The following DDR2 variants were observed in gnomAD, a reference collection of about 807,000 sequenced individuals.
DDR2 encodes discoidin domain-containing receptor 2.
Under a neutral mutation model 94.9 loss-of-function variants are expected in DDR2, and 27 were observed. The observed-to-expected ratio is 0.28, with a 90% CI of 0.21 to 0.39. The LOEUF (loss-of-function observed/expected upper bound fraction) is 0.39. Among genes scored for constraint, DDR2 ranks in the 10% least tolerant of loss-of-function variants. The pLI, the probability that DDR2 is intolerant of heterozygous loss-of-function variation, is 1.00. For missense variants in DDR2, 783 were observed against 1,076.0 expected (o/e 0.73, Z 3.81); for synonymous variants, 382 against 377.2 (o/e 1.01, Z -0.15).
chr1:162,749,861 C>A (rs1663088384), intron 3 of DDR2, among the ~76,000 whole-genome samples: 1 of 152,158 alleles, frequency 6.6e-6, no homozygotes, highest in Non-Finnish European at 1.5e-5. Flanking sequence ...TCAACATATG[C>A]AAATCAATAA....
At chr1:162,734,032 A>C (rs538267741) in intron 3 of DDR2, among the ~76,000 whole-genome samples, 2 of 152,352 alleles carry the variant, frequency 1.3e-5, no homozygotes, top group Admixed American at 1.3e-4. Context: ...CCCCTACCGG[A>C]ATGTAAGATC....
At chr1:162,678,303 C>T (rs1344501235) in intron 2 of DDR2, among the ~76,000 whole-genome samples, 1 of 152,216 alleles carries the variant, frequency 6.6e-6, no homozygotes, top group Middle Eastern at 3.4e-3. Flanking sequence ...AATAATAATT[C>T]CTGTCTCATA....
intron 3 of DDR2, among the ~76,000 whole-genome samples, chr1:162,728,299 TC>T (rs1661824412): frequency 6.6e-6 from 1 of 151,144 alleles, no homozygotes; most frequent in Admixed American, 6.6e-5. Context: ...CCCAATCAGG[TC>T]AAATCTCCAA....
chr1:162,668,866 G>T (rs756394416), intron 2 of DDR2, among the ~76,000 whole-genome samples: 1 of 152,134 alleles, frequency 6.6e-6, no homozygotes, highest in African/African-American at 2.4e-5. Context: ...CACTGTTAAA[G>T]ATATCTTTCT....
intron 12 of DDR2, chr1:162,770,753 A>G (rs1664230201): frequency 1.6e-6 from 1 of 610,868 alleles, no homozygotes; most frequent in African/African-American, 1.8e-5. Flanking sequence ...AAAGAAAAAA[A>G]TAATAAAACA....
chr1:162,662,050 G>A (rs891864151), intron 2 of DDR2, among the ~76,000 whole-genome samples: 6 of 152,170 alleles, frequency 3.9e-5, no homozygotes, highest in African/African-American at 1.4e-4. Flanking sequence ...AGCCCCTTAT[G>A]TTAAACCTTG....
At chr1:162,742,024 T>C (rs1558058160) in intron 3 of DDR2, among the ~76,000 whole-genome samples, 1 of 152,230 alleles carries the variant, frequency 6.6e-6, no homozygotes, top group Non-Finnish European at 1.5e-5. Context: ...TCCTCATCCT[T>C]ACTCTTCCCT....
chr1:162,676,335 C>T (rs1659121435), intron 2 of DDR2, among the ~76,000 whole-genome samples: 2 of 152,170 alleles, frequency 1.3e-5, no homozygotes, highest in African/African-American at 4.8e-5. Flanking sequence ...ATTAATTTCT[C>T]CCTCCTTATG....
intron 2 of DDR2, among the ~76,000 whole-genome samples, chr1:162,665,922 G>A (rs1401113466): frequency 1.3e-5 from 2 of 152,128 alleles, no homozygotes; most frequent in African/African-American, 4.8e-5. Context: ...AGTATAAATT[G>A]GTTTAAACTT....
At position 162,780,375 on chromosome 1, in the gene DDR2, C is replaced by G. The variant is rs921130511; in HGVS notation, c.*129C>G. 5 of 1,434,956 alleles carry G rather than the reference C, an allele frequency of 3.5e-6. No individual in the cohort carries two copies. The Admixed American group carries it at 5.8e-5, about 17-fold the overall frequency. The allele number at this position is 1,434,956 out of a possible 1,614,324, so 88.9% of individuals were successfully genotyped here. Reference sequence around the variant, plus strand: ...GAGACAGAGGCTTGTTTGCTTTGCCCTCTTTTCCTGGTCACCCCCACTCCC... The same window carrying G: ...GAGACAGAGGCTTGTTTGCTTTGCCGTCTTTTCCTGGTCACCCCCACTCCC... On this transcript the variant is annotated 3_prime_UTR_variant, in exon 18 of 18. Coordinates refer to ENST00000367921, the MANE Select transcript of DDR2 (RefSeq NM_006182.4).
At position 162,693,730 on chromosome 1, in the gene DDR2, G is replaced by A. The variant is rs150221908; in HGVS notation, c.-27-25307G>A. On this transcript the variant is annotated intron_variant, in intron 2 of 17. Transcript: ENST00000367921. ...GTCGAAGAGGACCTCTGACCAGGCA[G>A]CCTTGGAGCCAGAGCCTGGATGAAG... Among the ~76,000 whole-genome samples the A allele has an allele frequency of 2.2e-3, 335 of 152,268 alleles. 5 individuals carry two copies. In the East Asian group the frequency reaches 0.034, roughly 15 times the overall value.
chr1:162,642,592 T>A (rs1657195983), intron 1 of DDR2, among the ~76,000 whole-genome samples: 1 of 152,032 alleles, frequency 6.6e-6, no homozygotes, highest in African/African-American at 2.4e-5. Flanking sequence ...GCCTGGCCTG[T>A]TTTATTTTAT....
At chr1:162,649,281 A>C (rs1657563541) in intron 1 of DDR2, among the ~76,000 whole-genome samples, 1 of 152,204 alleles carries the variant, frequency 6.6e-6, no homozygotes, top group African/African-American at 2.4e-5. Flanking sequence ...AGCACTCCAC[A>C]AACTTTTTGG....
chr1:162,718,477 A>C (rs1382360148), intron 2 of DDR2, among the ~76,000 whole-genome samples: 1 of 152,156 alleles, frequency 6.6e-6, no homozygotes, highest in Non-Finnish European at 1.5e-5. Flanking sequence ...TATCCTTATT[A>C]AGCTAAACAT....
chr1:162,706,401 C>T (rs10917588), intron 2 of DDR2, among the ~76,000 whole-genome samples: 117,876 of 152,148 alleles, frequency 0.77, 47,983 homozygotes, highest in Non-Finnish European at 0.91. Flanking sequence ...CTCAAAGCAT[C>T]GTCTGAGCCC....
At chr1:162,649,077 C>G (rs1438513280) in intron 1 of DDR2, among the ~76,000 whole-genome samples, 1 of 152,066 alleles carries the variant, frequency 6.6e-6, no homozygotes, top group South Asian at 2.1e-4. Context: ...GCTAATGAGA[C>G]TTAGGCACTT....
At chr1:162,697,249 A>AC (rs1293455024) in intron 2 of DDR2, among the ~76,000 whole-genome samples, 3 of 152,072 alleles carry the variant, frequency 2.0e-5, no homozygotes, top group African/African-American at 7.3e-5. Context: ...ACTTAAAAAA[A>AC]AATAAGGCTT....
At chr1:162,640,262 G>A (rs1557999014) in intron 1 of DDR2, among the ~76,000 whole-genome samples, 2 of 151,988 alleles carry the variant, frequency 1.3e-5, no homozygotes, top group South Asian at 4.1e-4. Flanking sequence ...GGCTGGTTTC[G>A]AACTCCTGAC....
rs371241468 is a variant in DDR2 at position 162,755,598 on chromosome 1, TCA to T, written c.566-63_566-62del. ...CTGTGCAAGCTTATACCCTTGAAAC[TCA>T]CATAGTTCCCTGAGGTAATGGGCCT... is the stretch of plus-strand genomic sequence containing the variant. On this transcript the variant is annotated intron_variant, in intron 6 of 17. Transcript: ENST00000367921. 4.1e-6 allele frequency: 6 copies of T among 1,454,608 alleles called. No homozygotes were observed. The African/African-American group carries it at 8.4e-5, about 20-fold the overall frequency. The allele number at this position is 1,454,608 out of a possible 1,614,324, so 90.1% of individuals were successfully genotyped here.
Sources: allele counts gnomAD v4.1 joint callset (sites outside exome capture counted in the v4.1 genomes callset), GRCh38; gene constraint gnomAD v4.1.1; transcripts MANE v1.5; gene names NCBI Gene and HGNC (gene_info 2026-07-23, HGNC 2026-07-21).